The following ARHGAP28 variants were observed in gnomAD, a reference collection of about 807,000 sequenced individuals.
The protein encoded by ARHGAP28 is rho GTPase-activating protein 28.
In ARHGAP28, 56 loss-of-function variants were observed where a neutral mutation model predicts 90.7. The observed-to-expected ratio is 0.62, with a 90% CI of 0.50 to 0.77. The LOEUF is 0.77. Ranked by LOEUF, ARHGAP28 falls within the 30% of genes least tolerant of loss-of-function variation. The probability of loss-of-function intolerance (pLI) is 0.00; values close to 1 mark genes in which losing one functional copy is unlikely to be tolerated. For missense variants in ARHGAP28, 869 were observed against 900.9 expected, an observed-to-expected ratio of 0.96 and a Z score of 0.45; for synonymous variants, 308 against 323.3, an observed-to-expected ratio of 0.95 and a Z score of 0.51.
At chr18:6,747,242 G>A (rs575101110) in intron 1 of ARHGAP28, among the ~76,000 whole-genome samples, 2 of 152,194 alleles carry the variant, frequency 1.3e-5, no homozygotes, top group Admixed American at 1.3e-4. Context: ...AGGAAACAGG[G>A]TTTGCTTCAT....
chr18:6,906,605 A>G (rs1471348392), intron 16 of ARHGAP28, among the ~76,000 whole-genome samples: 2 of 152,122 alleles, frequency 1.3e-5, no homozygotes, highest in Non-Finnish European at 2.9e-5. Context: ...CCTCGATCTA[A>G]ACCTCACACC....
chr18:6,816,696 A>G (rs2143720899), intron 1 of ARHGAP28, among the ~76,000 whole-genome samples: 2 of 152,274 alleles, frequency 1.3e-5, no homozygotes, highest in South Asian at 4.1e-4. Context: ...GTAGGTGGGG[A>G]TGTTTTCAGC....
chr18:6,913,791 T>C lies in ARHGAP28; in HGVS notation c.*1637T>C, dbSNP rs1462239330. 3.9e-5 allele frequency: 6 copies of C among 152,180 alleles called. No individual in the cohort carries two copies. Among genetic ancestry groups the C allele is most frequent in the Non-Finnish European group, 8.8e-5 (6 of 68,032 alleles). The allele number at this position is 152,180 out of a possible 1,614,324, so 9.4% of individuals were successfully genotyped here. On this transcript the variant is annotated 3_prime_UTR_variant, in exon 18 of 18. Transcript: ENST00000383472. ...AAAACGTGCCTTCTGTATAAGTTTA[T>C]GTTTATTCCTACATTTTATTCATTT...
At chr18:6,832,590 A>G (rs1444062282) in intron 2 of ARHGAP28, among the ~76,000 whole-genome samples, 2 of 152,006 alleles carry the variant, frequency 1.3e-5, no homozygotes, top group South Asian at 2.1e-4. Flanking sequence ...TATTGGGTGC[A>G]TATACATTTA....
intron 16 of ARHGAP28, chr18:6,898,355 T>C (rs2057318934): frequency 1.5e-6 from 1 of 647,044 alleles, no homozygotes; most frequent in Non-Finnish European, 2.6e-6. Flanking sequence ...CATCAAGTTG[T>C]ATACTTCTGA....
chr18:6,777,801 T>A (rs1338893755), intron 1 of ARHGAP28, among the ~76,000 whole-genome samples: 1 of 152,082 alleles, frequency 6.6e-6, no homozygotes, highest in East Asian at 1.9e-4. Context: ...AGCCTGTAAG[T>A]GAGAAGAATG....
At chr18:6,845,599 G>C (rs559096074) in intron 3 of ARHGAP28, among the ~76,000 whole-genome samples, 1 of 152,220 alleles carries the variant, frequency 6.6e-6, no homozygotes, top group South Asian at 2.1e-4. Flanking sequence ...AGGCCCCACT[G>C]TGTGCTGTTT....
Position 6,796,781 on chromosome 18 carries a change from C to T in ARHGAP28, c.123-27981C>T, listed in dbSNP as rs149431389. ...TAAAGGAGCAAGTTTCCCTATTAGT[C>T]GAAAATGAACTACTTGTTTTTCTTT... is the stretch of plus-strand genomic sequence containing the variant. On this transcript the variant is annotated intron_variant, in intron 1 of 17. Coordinates refer to ENST00000383472, the MANE Select transcript of ARHGAP28 (RefSeq NM_001366230.1). Among the ~76,000 whole-genome samples, 14 of 152,224 alleles carry T rather than the reference C, an allele frequency of 9.2e-5. No homozygotes were observed. The East Asian group carries it at 1.4e-3, about 15-fold the overall frequency.
intron 1 of ARHGAP28, among the ~76,000 whole-genome samples, chr18:6,778,473 C>G (rs58260708): frequency 0.091 from 13,908 of 152,170 alleles, 914 homozygotes; most frequent in East Asian, 0.35. Context: ...ACTGCAAGTA[C>G]CTTATGGGAA....
intron 10 of ARHGAP28, among the ~76,000 whole-genome samples, chr18:6,877,739 G>A (rs927865029): frequency 7.9e-5 from 12 of 152,156 alleles, no homozygotes; most frequent in Non-Finnish European, 1.2e-4. Flanking sequence ...TCCGTTTCTC[G>A]TGTGTTTCGT....
chr18:6,891,341 T>G (rs1242135356), intron 14 of ARHGAP28, among the ~76,000 whole-genome samples: 2 of 151,918 alleles, frequency 1.3e-5, no homozygotes, highest in Non-Finnish European at 2.9e-5. Context: ...AGACAGAGTC[T>G]TACTCCTCTG....
intron 17 of ARHGAP28, among the ~76,000 whole-genome samples, chr18:6,910,604 C>T (rs1164944460): frequency 1.3e-5 from 2 of 152,032 alleles, no homozygotes; most frequent in African/African-American, 4.8e-5. Context: ...CGAGACCCTC[C>T]TTCCTCGCAC....
chr18:6,816,722 G>A lies in ARHGAP28; in HGVS notation c.123-8040G>A, dbSNP rs193103898. ...TGTTTTCAGCAGGAAGTTTAACTCCGTAATGTACTGATCAAAGCCAGACCA... is the reference window on the plus strand; with the variant it reads ...TGTTTTCAGCAGGAAGTTTAACTCCATAATGTACTGATCAAAGCCAGACCA... On this transcript the variant is annotated intron_variant, in intron 1 of 17. Transcript: ENST00000383472. Among the ~76,000 whole-genome samples, 37 of 152,234 alleles carry A rather than the reference G, an allele frequency of 2.4e-4. 2 individuals are homozygous for A. In the East Asian group the frequency reaches 2.5e-3, roughly 10 times the overall value.
chr18:6,847,469 CTG>C (rs942131159), intron 3 of ARHGAP28, among the ~76,000 whole-genome samples: 1 of 152,114 alleles, frequency 6.6e-6, no homozygotes, highest in African/African-American at 2.4e-5. Flanking sequence ...GTTGCATCCT[CTG>C]TGAGTAGATT....
chr18:6,733,371 T>C lies in ARHGAP28; in HGVS notation c.122+3428T>C, dbSNP rs200020680. 8.5e-5 allele frequency among the ~76,000 whole-genome samples: 13 copies of C among 152,292 alleles called. No homozygotes were observed. The East Asian group carries it at 1.9e-3, about 23-fold the overall frequency. The stretch of plus-strand genomic sequence containing the variant: ...TGCTGTGGCATTTAAAATACTGTTA[T>C]ACATATTTCCTTTTGAGCTTTTGGG... On this transcript the variant is annotated intron_variant, in intron 1 of 17. Coordinates refer to ENST00000383472, the MANE Select transcript of ARHGAP28 (RefSeq NM_001366230.1).
At chr18:6,835,233 GGA>G (rs1455955717) in intron 2 of ARHGAP28, among the ~76,000 whole-genome samples, 1 of 152,010 alleles carries the variant, frequency 6.6e-6, no homozygotes, top group African/African-American at 2.4e-5. Context: ...TTACATAGGT[GGA>G]GGGGAAAAAC....
intron 1 of ARHGAP28, among the ~76,000 whole-genome samples, chr18:6,781,655 C>A (rs773575637): frequency 6.6e-6 from 1 of 152,118 alleles, no homozygotes; most frequent in East Asian, 1.9e-4. Context: ...TCCCAAACTT[C>A]GTGGAGAAGC....
chr18:6,789,417 A>T (rs1000797267), intron 1 of ARHGAP28: 8 of 152,192 alleles, frequency 5.3e-5, no homozygotes, highest in African/African-American at 1.9e-4. Context: ...ACTAAAAAAA[A>T]TAAAATAATT....
chr18:6,840,302 CTT>C (rs1325037251), intron 3 of ARHGAP28, among the ~76,000 whole-genome samples: 1 of 152,164 alleles, frequency 6.6e-6, no homozygotes, highest in African/African-American at 2.4e-5. Flanking sequence ...ATGCTTCAGA[CTT>C]TGAATTTTGC....
Sources: allele counts gnomAD v4.1 joint callset (sites outside exome capture counted in the v4.1 genomes callset), GRCh38; gene constraint gnomAD v4.1.1; transcripts MANE v1.5; gene names NCBI Gene and HGNC (gene_info 2026-07-23, HGNC 2026-07-21).